The following RYR3 variants were observed in gnomAD, a reference collection of about 807,000 sequenced individuals.
The protein encoded by RYR3 is brain ryanodine receptor-calcium release channel.
Under a neutral mutation model 584.3 loss-of-function variants are expected in RYR3, and 207 were observed. The observed-to-expected ratio is 0.35, with a 90% CI of 0.32 to 0.40. The LOEUF is 0.40. Among genes scored for constraint, RYR3 ranks in the 10% least tolerant of loss-of-function variants. The pLI, the probability that RYR3 is intolerant of heterozygous loss-of-function variation, is 1.00. For missense variants in RYR3, 5,616 were observed against 6,089.2 expected (o/e 0.92, Z 2.59); for synonymous variants, 2,416 against 2,248.5 (o/e 1.07, Z -2.11).
chr15:33,688,568 A>C, intron 38 of RYR3, among the ~76,000 whole-genome samples: 1 of 136,230 alleles, frequency 7.3e-6, no homozygotes, highest in Admixed American at 7.2e-5. Context: ...GCGAGACTCC[A>C]TCTCAAAAAA....
chr15:33,699,907 T>A, intron 41 of RYR3, 74 bp downstream of exon 41: 2 of 1,503,810 alleles, frequency 1.3e-6, no homozygotes, highest in East Asian at 4.6e-5. Context: ...CTTAGGAAAA[T>A]ACAGGGAAAG....
intron 1 of RYR3, among the ~76,000 whole-genome samples, chr15:33,326,383 C>T (rs1969704227): frequency 6.6e-6 from 1 of 152,166 alleles, no homozygotes; most frequent in Non-Finnish European, 1.5e-5. Context: ...GTGATCAAAA[C>T]ACATAATCCC....
chr15:33,347,732 C>T (rs1972650514), intron 1 of RYR3, among the ~76,000 whole-genome samples: 1 of 152,156 alleles, frequency 6.6e-6, no homozygotes, highest in African/African-American at 2.4e-5. Context: ...TTTGAATTGG[C>T]TCCTGTGCCC....
At chr15:33,315,818 A>G (rs1487767207) in intron 1 of RYR3, among the ~76,000 whole-genome samples, 1 of 152,224 alleles carries the variant, frequency 6.6e-6, no homozygotes, top group African/African-American at 2.4e-5. Flanking sequence ...TGCCATGTCC[A>G]GGGTTGTCCT....
At chr15:33,604,307 C>G (rs907316059) in intron 18 of RYR3, among the ~76,000 whole-genome samples, 2 of 152,220 alleles carry the variant, frequency 1.3e-5, no homozygotes, top group Non-Finnish European at 2.9e-5. Context: ...TAACTTATCG[C>G]ATTTTCTTCC....
intron 1 of RYR3, among the ~76,000 whole-genome samples, chr15:33,392,887 T>A (rs1029801622): frequency 2.0e-5 from 3 of 152,206 alleles, no homozygotes; most frequent in African/African-American, 7.2e-5. Context: ...AACCTATGCA[T>A]ATATGCAGTT....
At chr15:33,664,589 GTATATATATATA>G (rs139063789) in intron 36 of RYR3, among the ~76,000 whole-genome samples, 4,167 of 91,418 alleles carry the variant, frequency 0.046, 460 homozygotes, top group African/African-American at 0.17. Context: ...GTGTGTGTGT[GTATATATATATA>G]TATATATATA....
At chr15:33,498,664 T>C (rs2051663081) in intron 2 of RYR3, among the ~76,000 whole-genome samples, 1 of 152,220 alleles carries the variant, frequency 6.6e-6, no homozygotes, top group African/African-American at 2.4e-5. Context: ...TTTCCTTTTC[T>C]GTGCACAAGC....
At chr15:33,710,262 C>G (rs1596271635) in intron 43 of RYR3, among the ~76,000 whole-genome samples, 1 of 149,580 alleles carries the variant, frequency 6.7e-6, no homozygotes, top group Non-Finnish European at 1.5e-5. Flanking sequence ...TGGCAGAAGG[C>G]AAAAATGGAC....
chr15:33,730,009 T>C (rs2068806561), intron 47 of RYR3, among the ~76,000 whole-genome samples: 1 of 151,990 alleles, frequency 6.6e-6, no homozygotes, highest in Non-Finnish European at 1.5e-5. Context: ...ATGGTATATA[T>C]GACAGTATTA....
At chr15:33,650,135 T>A (rs1169651381) in intron 31 of RYR3, among the ~76,000 whole-genome samples, 1 of 152,056 alleles carries the variant, frequency 6.6e-6, no homozygotes, top group East Asian at 1.9e-4. Context: ...TCACAGCACT[T>A]TGGGAGGCCA....
At chr15:33,736,494 G>A (rs1041226020) in intron 49 of RYR3, among the ~76,000 whole-genome samples, 169 bp downstream of exon 49, 1 of 152,114 alleles carries the variant, frequency 6.6e-6, no homozygotes, top group Non-Finnish European at 1.5e-5. Flanking sequence ...GTCCTTTCTT[G>A]AATGCCGAGG....
rs145975569 is a variant in RYR3, at chr15:33,791,570, T to C, written c.9830+3112T>C. Among the ~76,000 whole-genome samples, 243 of 152,246 alleles carry C rather than the reference T, an allele frequency of 1.6e-3. 4 individuals carry two copies. In the East Asian group the frequency reaches 0.03, roughly 19 times the overall value. On this transcript the variant is annotated intron_variant, in intron 67 of 103. Coordinates refer to ENST00000634891, the MANE Select transcript of RYR3 (RefSeq NM_001036.6). Reference sequence around the variant, plus strand: ...TTCCCAGGGAGAGTGGAAGAATAGATGCACCAGGGAGATGCGGGGTGATTA... The same window carrying C: ...TTCCCAGGGAGAGTGGAAGAATAGACGCACCAGGGAGATGCGGGGTGATTA...
At chr15:33,758,896 C>T (rs754353001) in intron 60 of RYR3, among the ~76,000 whole-genome samples, 21 of 152,158 alleles carry the variant, frequency 1.4e-4, no homozygotes, top group Admixed American at 1.2e-3. Flanking sequence ...GAGGAGAGCT[C>T]CAGCTGGCAT....
intron 12 of RYR3, among the ~76,000 whole-genome samples, chr15:33,575,791 A>C (rs2058268622): frequency 6.6e-6 from 1 of 151,762 alleles, no homozygotes; most frequent in Admixed American, 6.6e-5. Flanking sequence ...AGATAGAGAC[A>C]CAGAAAGCCC....
At chr15:33,653,876 A>G (rs1371249080) in intron 32 of RYR3, among the ~76,000 whole-genome samples, 1 of 152,214 alleles carries the variant, frequency 6.6e-6, no homozygotes, top group Non-Finnish European at 1.5e-5. Context: ...GAAGTTTTAT[A>G]ATGAAGGTTA....
At chr15:33,646,791 C>T (rs2062128657) in intron 29 of RYR3, among the ~76,000 whole-genome samples, 1 of 152,180 alleles carries the variant, frequency 6.6e-6, no homozygotes, top group African/African-American at 2.4e-5. Context: ...AACTCTGAGC[C>T]CCTACCTTCC....
At chr15:33,599,060 A>T (rs2059535378) in intron 16 of RYR3, among the ~76,000 whole-genome samples, 1 of 151,876 alleles carries the variant, frequency 6.6e-6, no homozygotes, top group Admixed American at 6.5e-5. Context: ...GTCTCCAAAA[A>T]AAAAAGGAGT....
intron 1 of RYR3, among the ~76,000 whole-genome samples, chr15:33,417,641 T>C (rs2043913150): frequency 6.6e-6 from 1 of 152,216 alleles, no homozygotes; most frequent in African/African-American, 2.4e-5. Flanking sequence ...AGAGATAATT[T>C]GACTTCCTCT....
Sources: allele counts gnomAD v4.1 joint callset (sites outside exome capture counted in the v4.1 genomes callset), GRCh38; gene constraint gnomAD v4.1.1; transcripts MANE v1.5; gene names NCBI Gene and HGNC (gene_info 2026-07-23, HGNC 2026-07-21).